FHOD3: variants seen among roughly 807,000 people sequenced by gnomAD.
FHOD3 encodes formin homology 2 domain containing 3.
Under a neutral mutation model 173.0 loss-of-function variants are expected in FHOD3, and 90 were observed. That is an observed-to-expected ratio of 0.52 (90% CI 0.44 to 0.62). The LOEUF (loss-of-function observed/expected upper bound fraction) is 0.62, where lower values mean the gene tolerates loss of function less well. FHOD3 is among the 20% of genes least tolerant of loss of function. FHOD3 has a pLI of 0.00. For missense variants in FHOD3, 1,945 were observed against 2,034.7 expected, an observed-to-expected ratio of 0.96 and a Z score of 0.85; for synonymous variants, 828 against 823.0, an observed-to-expected ratio of 1.01 and a Z score of -0.10.
intron 1 of FHOD3, among the ~76,000 whole-genome samples, chr18:36,346,593 T>C (rs12326930): frequency 0.26 from 39,867 of 152,068 alleles, 6,622 homozygotes; most frequent in African/African-American, 0.46. Flanking sequence ...TTCTCCCTTT[T>C]ATGCCCTCCT....
At chr18:36,571,598 C>A (rs1255735731) in intron 5 of FHOD3, among the ~76,000 whole-genome samples, 1 of 152,154 alleles carries the variant, frequency 6.6e-6, no homozygotes, top group Non-Finnish European at 1.5e-5. Flanking sequence ...TAGGAAGAAT[C>A]ATACTACCTG....
chr18:36,775,177 T>G (rs2043570432), intron 28 of FHOD3, among the ~76,000 whole-genome samples: 1 of 152,190 alleles, frequency 6.6e-6, no homozygotes, highest in South Asian at 2.1e-4. Context: ...TTGCTCCCAG[T>G]ACACCTGGTA....
chr18:36,600,829 C>A (rs1158842227), intron 7 of FHOD3, among the ~76,000 whole-genome samples: 2 of 152,204 alleles, frequency 1.3e-5, no homozygotes, highest in African/African-American at 2.4e-5. Context: ...GTTCTGGGTC[C>A]ATTAGCACCA....
At chr18:36,717,512 G>A (rs987613063) in intron 18 of FHOD3, among the ~76,000 whole-genome samples, 13 of 152,134 alleles carry the variant, frequency 8.5e-5, no homozygotes, top group African/African-American at 2.9e-4. Flanking sequence ...AGGCTCCTTA[G>A]TTACCTGTGG....
rs538572526 is a variant in FHOD3, at chr18:36,407,973, A to C, written c.337+35229A>C. Among the ~76,000 whole-genome samples the C allele has an allele frequency of 3.3e-5, 5 of 152,334 alleles. No individual in the cohort carries two copies. In the East Asian group the frequency reaches 7.7e-4, roughly 23 times the overall value. ...CATATGATATAGGGAGTACAGATGT[A>C]AGGTAGATAGATGATATTGGAACTG... On this transcript the variant is annotated intron_variant, in intron 3 of 28. Coordinates refer to ENST00000590592, the MANE Select transcript of FHOD3 (RefSeq NM_001281740.3).
At chr18:36,403,803 T>C (rs1375030223) in intron 3 of FHOD3, among the ~76,000 whole-genome samples, 1 of 152,216 alleles carries the variant, frequency 6.6e-6, no homozygotes, top group Non-Finnish European at 1.5e-5. Flanking sequence ...GCCTGGACCC[T>C]GTGGCAGCCC....
intron 3 of FHOD3, among the ~76,000 whole-genome samples, chr18:36,421,256 A>C (rs1874797439): frequency 6.6e-6 from 1 of 152,254 alleles, no homozygotes; most frequent in South Asian, 2.1e-4. Flanking sequence ...GTAGGGAAAT[A>C]CACACAAATT....
rs187856694 is a variant in FHOD3, at chr18:36,780,081, G to C, written c.*551G>C. 4 of 1,154,778 alleles carry C rather than the reference G, an allele frequency of 3.5e-6. No individual in the cohort carries two copies. Among genetic ancestry groups the C allele is most frequent in the Non-Finnish European group, 4.4e-6 (4 of 917,464 alleles). 71.5% of individuals were successfully genotyped at this position (1,154,778 alleles called of 1,614,324 possible). A position where few individuals can be genotyped will look rare whatever the true frequency, so the allele number is the denominator to read the frequency against. ...ATAATGAGAAACTTTTATTCTTCTG[G>C]GAACAGGACCTTAAACAGTTCCACA... On this transcript the variant is annotated 3_prime_UTR_variant, in exon 29 of 29. Coordinates refer to ENST00000590592, the MANE Select transcript of FHOD3 (RefSeq NM_001281740.3).
Position 36,718,412 on chromosome 18 carries a change from G to A in FHOD3, c.3114G>A (p.Pro1038=), listed in dbSNP as rs201617026. The change falls in exon 19 of 29, where the codon CCG becomes CCA. Residue 1038 remains proline, a synonymous_variant. Coordinates refer to ENST00000590592, the MANE Select transcript of FHOD3 (RefSeq NM_001281740.3). ...TGGGTTTGCCGCCCCCACCCCCTCC[G>A]CCCCTGTTGGACAGCATTCCTCCCC... ...TFLGLPPPPP[P]PLLDSIPPPP... 2.3e-4 allele frequency: 69 copies of A among 298,188 alleles called. No individual in the cohort carries two copies. Among genetic ancestry groups the A allele is most frequent in the Admixed American group, 1.1e-3 (14 of 12,860 alleles). The allele number at this position is 298,188 out of a possible 1,614,324, so 18.5% of individuals were successfully genotyped here.
In FHOD3 at chr18:36,692,555, G is replaced by A. The variant is rs148147732; in HGVS notation, c.2022-654G>A. Among the ~76,000 whole-genome samples, 465 of 152,268 alleles carry A rather than the reference G, an allele frequency of 3.1e-3. 1 individual carries two copies. The highest frequency in any genetic ancestry group is 5.2e-3 in the Non-Finnish European group (355 of 68,022). ...TGCCTGCCTGAAATGCAAAACAGAT[G>A]TATCTTTGTTCTTTTAAACTGACTT... On this transcript the variant is annotated intron_variant, in intron 16 of 28. Coordinates refer to ENST00000590592, the MANE Select transcript of FHOD3 (RefSeq NM_001281740.3).
chr18:36,628,616 TG>T (rs756813263), intron 10 of FHOD3, among the ~76,000 whole-genome samples: 16 of 152,232 alleles, frequency 1.1e-4, no homozygotes, highest in Non-Finnish European at 1.9e-4. Context: ...ACAAGTTTAT[TG>T]GTCATTGGTC....
At chr18:36,521,955 A>C (rs910501178) in intron 5 of FHOD3, among the ~76,000 whole-genome samples, 1 of 152,142 alleles carries the variant, frequency 6.6e-6, no homozygotes, top group African/African-American at 2.4e-5. Flanking sequence ...TGGTTCACAC[A>C]TTATCTTTTG....
chr18:36,524,941 A>C (rs2056445930), intron 5 of FHOD3, among the ~76,000 whole-genome samples: 1 of 152,154 alleles, frequency 6.6e-6, no homozygotes, highest in Non-Finnish European at 1.5e-5. Flanking sequence ...ACAATTAGAA[A>C]TTGTGCCATC....
intron 1 of FHOD3, among the ~76,000 whole-genome samples, chr18:36,316,772 T>A (rs2044148768): frequency 6.6e-6 from 1 of 152,210 alleles, no homozygotes. Flanking sequence ...GTGCACAATG[T>A]GCAGGTTTGT....
chr18:36,383,346 C>T (rs1019246352), intron 3 of FHOD3, among the ~76,000 whole-genome samples: 31 of 152,272 alleles, frequency 2.0e-4, no homozygotes, highest in Admixed American at 1.6e-3. Context: ...TGCTGTGCTG[C>T]GGCTGAGTTA....
At chr18:36,299,793 T>C (rs1272704070) in intron 1 of FHOD3, among the ~76,000 whole-genome samples, 5 of 152,120 alleles carry the variant, frequency 3.3e-5, no homozygotes, top group Non-Finnish European at 7.4e-5. Context: ...ACCCTTGACC[T>C]TTGTTTTGGG....
At chr18:36,546,918 A>G (rs1481150853) in intron 5 of FHOD3, among the ~76,000 whole-genome samples, 1 of 152,172 alleles carries the variant, frequency 6.6e-6, no homozygotes, top group Non-Finnish European at 1.5e-5. Context: ...TCAGCATAGA[A>G]CCTCGAAGCA....
intron 24 of FHOD3, among the ~76,000 whole-genome samples, chr18:36,748,985 C>G (rs757532303): frequency 3.5e-5 from 5 of 140,886 alleles, no homozygotes; most frequent in African/African-American, 1.5e-4. Flanking sequence ...AACTGAGGCA[C>G]AGAAAGGACC....
chr18:36,667,318 C>T (rs781107817), intron 14 of FHOD3, among the ~76,000 whole-genome samples: 2 of 152,094 alleles, frequency 1.3e-5, no homozygotes, highest in Non-Finnish European at 2.9e-5. Context: ...AATTATATTC[C>T]AATAACTTTG....
Sources: gnomAD v4.1 joint callset for allele counts (sites outside exome capture counted in the v4.1 genomes callset) on GRCh38, gnomAD v4.1.1 for gene constraint, MANE v1.5 for transcripts, NCBI Gene and HGNC (gene_info 2026-07-23, HGNC 2026-07-21) for gene names.